The following WDFY3 variants were observed in gnomAD, a reference collection of about 807,000 sequenced individuals.
WDFY3 encodes WD repeat and FYVE domain containing 3, also known as WD repeat and FYVE domain-containing protein 3.
WDFY3 carries 66 observed loss-of-function variants against 409.6 expected under a neutral mutation model. The observed-to-expected ratio is 0.16, with a 90% CI of 0.13 to 0.20. The LOEUF (loss-of-function observed/expected upper bound fraction) is 0.20, where lower values mean the gene tolerates loss of function less well. Among genes scored for constraint, WDFY3 ranks in the 10% least tolerant of loss-of-function variants. WDFY3 has a pLI of 1.00. For synonymous variants in WDFY3, 1,521 were observed against 1,537.1 expected (o/e 0.99, Z 0.25); for missense variants, 3,031 against 4,298.1 (o/e 0.71, Z 8.24).
intron 4 of WDFY3, among the ~76,000 whole-genome samples, chr4:84,856,584 G>A (rs985129422): frequency 1.3e-5 from 2 of 152,152 alleles, no homozygotes; most frequent in African/African-American, 4.8e-5. Context: ...TTGTAGGACT[G>A]TAATGAAGAC....
At chr4:84,885,225 G>C (rs1764038982) in intron 3 of WDFY3, among the ~76,000 whole-genome samples, 1 of 151,682 alleles carries the variant, frequency 6.6e-6, no homozygotes, top group Admixed American at 6.6e-5. Flanking sequence ...GGCTGGTCTT[G>C]AACTCCTGAC....
intron 19 of WDFY3, among the ~76,000 whole-genome samples, chr4:84,796,056 T>C (rs1410592613): frequency 1.3e-5 from 2 of 151,774 alleles, no homozygotes; most frequent in Non-Finnish European, 2.9e-5. Context: ...ATATTATCTA[T>C]ACATTTATAT....
intron 1 of WDFY3, among the ~76,000 whole-genome samples, chr4:84,955,740 G>A (rs1252049513): frequency 6.6e-6 from 1 of 152,072 alleles, no homozygotes; most frequent in Admixed American, 6.6e-5. Context: ...AAGTGTTGGA[G>A]AAATTAAAAC....
Position 84,906,470 on chromosome 4 carries a change from T to C in WDFY3, c.-131-9460A>G, listed in dbSNP as rs188612842. On this transcript the variant is annotated intron_variant, in intron 2 of 67. Transcript: ENST00000295888. ...ATTATGTTTATATGCAAAATGACTA[T>C]AGCCTCAAAAATATGTGTAATATTT... Among the ~76,000 whole-genome samples the C allele has an allele frequency of 1.1e-3, 175 of 152,248 alleles. 3 individuals carry two copies. Among genetic ancestry groups the C allele is most frequent in the African/African-American group, 3.9e-3 (164 of 41,552 alleles).
intron 3 of WDFY3, among the ~76,000 whole-genome samples, chr4:84,878,554 C>T (rs956402730): frequency 5.3e-5 from 8 of 152,056 alleles, no homozygotes; most frequent in Non-Finnish European, 1.2e-4. Context: ...ACATTTTTCA[C>T]AAAATATCAA....
At chr4:84,769,667 C>G (rs559840861) in intron 30 of WDFY3, among the ~76,000 whole-genome samples, 1 of 152,090 alleles carries the variant, frequency 6.6e-6, no homozygotes, top group Non-Finnish European at 1.5e-5. Context: ...CGTGATCCAC[C>G]CGCCTTGGCC....
rs1727524839 is a variant in WDFY3 at position 84,682,404 on chromosome 4, T to C, written c.9793A>G (p.Met3265Val). The C allele has an allele frequency of 6.2e-7, 1 of 1,613,894 alleles. No individual in the cohort carries two copies. The highest frequency in any genetic ancestry group is 1.7e-5 in the Admixed American group (1 of 60,004). Residue 3265 changes from methionine (M) to valine (V), a missense_variant, in exon 64 of 68, where the codon ATG (methionine) becomes GTG (valine). By Grantham distance (21) the Met-to-Val change is conservative. Coordinates refer to ENST00000295888, the MANE Select transcript of WDFY3 (RefSeq NM_014991.6). ...PAPEPAEVLE[M>V]QEDCPEAQIG... ...TGTGCTTCTGGACAGTCTTCCTGCA[T>C]TTCTAGGACTTCAGCAGGCTCAGGA...
intron 1 of WDFY3, among the ~76,000 whole-genome samples, chr4:84,939,587 C>T (rs1771860477): frequency 6.6e-6 from 1 of 152,026 alleles, no homozygotes. Context: ...TATTCATTCA[C>T]TTATTTTTAT....
intron 10 of WDFY3, among the ~76,000 whole-genome samples, chr4:84,825,089 A>G (rs1754660231): frequency 6.6e-6 from 1 of 152,180 alleles, no homozygotes; most frequent in African/African-American, 2.4e-5. Flanking sequence ...GTGCTAGGTT[A>G]TATAATTATT....
At chr4:84,823,078 G>A (rs1754317620) in intron 10 of WDFY3, among the ~76,000 whole-genome samples, 1 of 152,122 alleles carries the variant, frequency 6.6e-6, no homozygotes, top group African/African-American at 2.4e-5. Flanking sequence ...GACAACTTAA[G>A]TGACCTGATT....
At chr4:84,763,627 G>C (rs1743099915) in intron 32 of WDFY3, among the ~76,000 whole-genome samples, 1 of 151,458 alleles carries the variant, frequency 6.6e-6, no homozygotes, top group South Asian at 2.1e-4. Context: ...AAAAAAGGTT[G>C]CCATTCCGAT....
intron 7 of WDFY3, among the ~76,000 whole-genome samples, chr4:84,831,926 T>G (rs560720002): frequency 1.1e-4 from 16 of 152,148 alleles, no homozygotes; most frequent in African/African-American, 3.1e-4. Context: ...AAAAACAGTA[T>G]GGAGGATCCT....
intron 32 of WDFY3, among the ~76,000 whole-genome samples, chr4:84,762,604 G>C (rs1050595877): frequency 1.3e-5 from 2 of 151,462 alleles, no homozygotes; most frequent in Admixed American, 6.6e-5. Context: ...CCTAAAACTT[G>C]AAGTATAATA....
intron 10 of WDFY3, among the ~76,000 whole-genome samples, chr4:84,822,651 G>T (rs1301726347): frequency 1.3e-5 from 2 of 152,128 alleles, no homozygotes; most frequent in African/African-American, 4.8e-5. Context: ...GTTTGAGGTT[G>T]CAGTGGGCTA....
rs1009073629 is a variant in WDFY3, at chr4:84,670,189, T to A, written c.*2679A>T. On this transcript the variant is annotated 3_prime_UTR_variant, in exon 68 of 68. Coordinates refer to ENST00000295888, the MANE Select transcript of WDFY3 (RefSeq NM_014991.6). Reference sequence around the variant, plus strand: ...AGAGTTGCACACTACATAGAAATGTTAGAATACATGGATGAACAAATGAAC... The same window carrying A: ...AGAGTTGCACACTACATAGAAATGTAAGAATACATGGATGAACAAATGAAC... The A allele has an allele frequency of 2.2e-4, 34 of 152,628 alleles. No homozygotes were observed. Among genetic ancestry groups the A allele is most frequent in the African/African-American group, 7.7e-4 (32 of 41,454 alleles). 9.5% of individuals were successfully genotyped at this position (152,628 alleles called of 1,614,324 possible). A position where few individuals can be genotyped will look rare whatever the true frequency, so the allele number is the denominator to read the frequency against.
chr4:84,905,822 T>C (rs957049968), intron 2 of WDFY3, among the ~76,000 whole-genome samples: 2 of 152,214 alleles, frequency 1.3e-5, no homozygotes, highest in African/African-American at 2.4e-5. Context: ...CAATTCCTCA[T>C]ACACCAACTG....
At chr4:84,759,204 T>A (rs1433951683) in intron 32 of WDFY3, among the ~76,000 whole-genome samples, 1 of 152,338 alleles carries the variant, frequency 6.6e-6, no homozygotes, top group South Asian at 2.1e-4. Context: ...TTGGTTACTG[T>A]AGCCTTGCAG....
At chr4:84,774,460 G>A (rs1263112207) in intron 29 of WDFY3, among the ~76,000 whole-genome samples, 1 of 152,242 alleles carries the variant, frequency 6.6e-6, no homozygotes, top group African/African-American at 2.4e-5. Context: ...CCACTATTTA[G>A]GAGTGTGTAT....
At chr4:84,834,929 G>T (rs1307217512) in intron 7 of WDFY3, among the ~76,000 whole-genome samples, 1 of 152,144 alleles carries the variant, frequency 6.6e-6, no homozygotes, top group Non-Finnish European at 1.5e-5. Flanking sequence ...CTGCGATGAG[G>T]AACTAAAACA....
Sources: allele counts gnomAD v4.1 joint callset (sites outside exome capture counted in the v4.1 genomes callset), GRCh38; gene constraint gnomAD v4.1.1; transcripts MANE v1.5; gene names NCBI Gene and HGNC (gene_info 2026-07-23, HGNC 2026-07-21).